ZNF326: variants seen among roughly 807,000 people sequenced by gnomAD.
ZNF326 encodes zinc finger protein 326, also known as DBIRD complex subunit ZNF326.
Under a neutral mutation model 63.1 loss-of-function variants are expected in ZNF326, and 30 were observed. The observed-to-expected ratio is 0.48, with a 90% CI of 0.36 to 0.64. The LOEUF (loss-of-function observed/expected upper bound fraction) is 0.64. ZNF326 is among the 30% of genes least tolerant of loss of function. The pLI, the probability that ZNF326 is intolerant of heterozygous loss-of-function variation, is 0.00. For synonymous variants in ZNF326, 194 were observed against 228.2 expected (o/e 0.85, Z 1.35); for missense variants, 609 against 720.3 (o/e 0.85, Z 1.77).
At chr1:90,009,871 C>G (rs1050785957) in intron 5 of ZNF326, among the ~76,000 whole-genome samples, 2 of 152,096 alleles carry the variant, frequency 1.3e-5, no homozygotes, top group Non-Finnish European at 2.9e-5. Context: ...ATTATTTGTT[C>G]TACTGGAAAT....
chr1:90,011,535 T>C (rs959797842), intron 6 of ZNF326, among the ~76,000 whole-genome samples: 17 of 151,406 alleles, frequency 1.1e-4, no homozygotes, highest in African/African-American at 4.1e-4. Context: ...TTTTTTTTTT[T>C]TTTAAGTATA....
At chr1:90,019,865 C>T (rs1045358477) in intron 9 of ZNF326, among the ~76,000 whole-genome samples, 3 of 152,090 alleles carry the variant, frequency 2.0e-5, no homozygotes, top group African/African-American at 7.2e-5. Context: ...CAAAACAAAA[C>T]CTCACAGTTT....
intron 10 of ZNF326, among the ~76,000 whole-genome samples, chr1:90,021,423 AT>A (rs1649769374): frequency 1.3e-5 from 2 of 152,004 alleles, no homozygotes; most frequent in African/African-American, 4.8e-5. Context: ...TTACTGATAC[AT>A]TTTTCTGATG....
chr1:90,013,252 T>A lies in ZNF326; in HGVS notation c.926+15T>A. Reference sequence around the variant, plus strand: ...GATGGATACAGGTTTGTACTTAGAGTCAGAAAATTAGGTTCATTAAAAAAT... The same window carrying A: ...GATGGATACAGGTTTGTACTTAGAGACAGAAAATTAGGTTCATTAAAAAAT... On this transcript the variant is annotated intron_variant, in intron 7 of 11. Coordinates refer to ENST00000340281, the MANE Select transcript of ZNF326 (RefSeq NM_182976.4). 6.6e-7 allele frequency: 1 copy of A among 1,514,594 alleles called. No homozygotes were observed. 93.8% of individuals were successfully genotyped at this position (1,514,594 alleles called of 1,614,324 possible).
At chr1:90,026,810 G>T (rs1191480936) in intron 11 of ZNF326, among the ~76,000 whole-genome samples, 3 of 152,078 alleles carry the variant, frequency 2.0e-5, no homozygotes, top group Non-Finnish European at 4.4e-5. Flanking sequence ...TATGAGATTT[G>T]ATCCAGATAT....
At chr1:90,024,414 C>T (rs919779688) in intron 11 of ZNF326, among the ~76,000 whole-genome samples, 4 of 152,118 alleles carry the variant, frequency 2.6e-5, no homozygotes, top group South Asian at 2.1e-4. Flanking sequence ...TCTAGCTCTA[C>T]GGTTAGCTTT....
In ZNF326 at chr1:90,005,189, T is replaced by C; in HGVS notation, c.154T>C (p.Tyr52His). ...SYGGQRSMDS[Y>H]LNQSYGMDNH... ...TGGGGGTCAGAGATCCATGGATTCCTACCTAAACCAGTCATATGGCATGGA... is the reference window on the plus strand; with the variant it reads ...TGGGGGTCAGAGATCCATGGATTCCCACCTAAACCAGTCATATGGCATGGA... The change falls in exon 4 of 12, where the codon TAC (tyrosine) becomes CAC (histidine). Residue 52 changes from tyrosine to histidine, a missense_variant. Tyr to His is a moderately conservative substitution (Grantham distance 83). Transcript: ENST00000340281. 6.2e-7 allele frequency: 1 copy of C among 1,614,074 alleles called. No individual in the cohort carries two copies. The highest frequency in any genetic ancestry group is 1.1e-5 in the South Asian group (1 of 91,084).
chr1:90,004,742 T>C (rs1206796323), intron 2 of ZNF326, among the ~76,000 whole-genome samples: 2 of 149,334 alleles, frequency 1.3e-5, no homozygotes, highest in African/African-American at 4.9e-5. Context: ...AAAATAAAAA[T>C]AATTCTAATA....
intron 11 of ZNF326, among the ~76,000 whole-genome samples, chr1:90,025,884 A>T (rs1158018725): frequency 6.6e-6 from 1 of 150,738 alleles, no homozygotes; most frequent in Admixed American, 6.6e-5. Flanking sequence ...GACACTGTTG[A>T]TCTATCACTT....
Position 90,029,272 on chromosome 1 carries a change from C to G in ZNF326, c.*1571C>G, listed in dbSNP as rs1380073777. 3 of 139,568 alleles carry G rather than the reference C, an allele frequency of 2.1e-5. No homozygotes were observed. The highest frequency in any genetic ancestry group is 4.6e-5 in the Non-Finnish European group (3 of 64,966). The allele number at this position is 139,568 out of a possible 1,614,324, so 8.6% of individuals were successfully genotyped here. A position where few individuals can be genotyped will look rare whatever the true frequency, so the allele number is the denominator to read the frequency against. ...AATAAGGCTTTTAAAACTAGACTTT[C>G]TGAACCAATACAGTTTTTTTTTTTT... On this transcript the variant is annotated 3_prime_UTR_variant, in exon 12 of 12. Coordinates refer to ENST00000340281, the MANE Select transcript of ZNF326 (RefSeq NM_182976.4).
chr1:90,023,084 A>G (rs1649852710), intron 11 of ZNF326, among the ~76,000 whole-genome samples: 1 of 152,216 alleles, frequency 6.6e-6, no homozygotes, highest in South Asian at 2.1e-4. Context: ...GCTTGAATCC[A>G]TCTTTACATA....
chr1:90,026,139 A>G (rs1460682081), intron 11 of ZNF326, among the ~76,000 whole-genome samples: 1 of 151,608 alleles, frequency 6.6e-6, no homozygotes, highest in African/African-American at 2.4e-5. Context: ...AATATTTTGT[A>G]TGTTTAGTGG....
intron 11 of ZNF326, among the ~76,000 whole-genome samples, chr1:90,023,048 C>G (rs573772830): frequency 2.1e-4 from 32 of 152,260 alleles, no homozygotes; most frequent in Middle Eastern, 3.4e-3. Context: ...ACTCTTTACT[C>G]CTCAGGGTTT....
In ZNF326 at chr1:90,018,727, C is replaced by A; in HGVS notation, c.1117C>A (p.Gln373Lys). The part of the protein sequence containing the change: ...NKFKKTSIRK[Q>K]QTNNQTEVVK... ...ATTCAAGAAAACATCTATTCGTAAG[C>A]AACAGACAAATAATCAAACAGAAGT... Residue 373 changes from glutamine (Q) to lysine (K), a missense_variant, in exon 9 of 12, where the codon CAA becomes AAA. Physicochemically the swap from Gln to Lys is moderately conservative, Grantham distance 53. Transcript: ENST00000340281. 6.3e-7 allele frequency: 1 copy of A among 1,580,126 alleles called. No individual in the cohort carries two copies. The highest frequency in any genetic ancestry group is 1.8e-5 in the Admixed American group (1 of 54,340).
In ZNF326 at chr1:90,029,375, C is replaced by A; in HGVS notation, c.*1674C>A. 1 of 151,372 alleles carries A rather than the reference C, an allele frequency of 6.6e-6. No homozygotes were observed. 9.4% of individuals were successfully genotyped at this position (151,372 alleles called of 1,614,324 possible). A position where few individuals can be genotyped will look rare whatever the true frequency, so the allele number is the denominator to read the frequency against. On this transcript the variant is annotated 3_prime_UTR_variant, in exon 12 of 12. Coordinates refer to ENST00000340281, the MANE Select transcript of ZNF326 (RefSeq NM_182976.4). ...GCATCTAATTTTAGGGATTTGGTGC[C>A]AAATAAGAGAAGGGTAGTTGAAGAC...
intron 11 of ZNF326, among the ~76,000 whole-genome samples, chr1:90,026,506 A>G (rs55700810): frequency 0.016 from 2,381 of 152,260 alleles, 23 homozygotes; most frequent in Non-Finnish European, 0.023. Context: ...TTATAATTAT[A>G]TATATTAATA....
chr1:90,016,107 G>A (rs1181070233), intron 7 of ZNF326, among the ~76,000 whole-genome samples: 1 of 151,982 alleles, frequency 6.6e-6, no homozygotes, highest in African/African-American at 2.4e-5. Context: ...ATAATTAATT[G>A]AATAATTATT....
intron 9 of ZNF326, among the ~76,000 whole-genome samples, 159 bp downstream of exon 9, chr1:90,018,943 C>G (rs558710151): frequency 6.6e-6 from 1 of 152,212 alleles, no homozygotes; most frequent in African/African-American, 2.4e-5. Flanking sequence ...TCTTCCTGTT[C>G]TAATGCTTAC....
At position 90,020,891 on chromosome 1, in the gene ZNF326, TA is replaced by T; in HGVS notation, c.1278del (p.Lys426AsnfsTer16). ...PALHSSVQQH[L>X]KSPDHIKGKQ... ...TTACATAGTTCAGTTCAGCAGCACT[TA>T]AAATCTCCTGATCATATCAAAGGGA... is the stretch of plus-strand genomic sequence containing the variant. On this transcript the variant is annotated frameshift_variant, in exon 10 of 12. Coordinates refer to ENST00000340281, the MANE Select transcript of ZNF326 (RefSeq NM_182976.4). LOFTEE classifies it high-confidence loss of function. 2 of 1,613,230 alleles carry T rather than the reference TA, an allele frequency of 1.2e-6. No individual in the cohort carries two copies. Among genetic ancestry groups the T allele is most frequent in the Non-Finnish European group, 1.7e-6 (2 of 1,179,402 alleles).
Sources: gnomAD v4.1 joint callset for allele counts (sites outside exome capture counted in the v4.1 genomes callset) on GRCh38, gnomAD v4.1.1 for gene constraint, MANE v1.5 for transcripts, NCBI Gene and HGNC (gene_info 2026-07-23, HGNC 2026-07-21) for gene names.